Variants in TENM3 observed in about 807,000 individuals in gnomAD.
The protein encoded by TENM3 is teneurin transmembrane protein 3.
Under a neutral mutation model 255.1 loss-of-function variants are expected in TENM3, and 63 were observed. That is an observed-to-expected ratio of 0.25 (90% CI 0.20 to 0.30). TENM3 has a LOEUF of 0.30. Among genes scored for constraint, TENM3 ranks in the 10% least tolerant of loss-of-function variants. The pLI is 1.00. For missense variants in TENM3, 2,929 were observed against 3,461.1 expected, an observed-to-expected ratio of 0.85 and a Z score of 3.86; for synonymous variants, 1,306 against 1,322.3, an observed-to-expected ratio of 0.99 and a Z score of 0.27.
At chr4:182,540,952 G>A (rs1740826573) in intron 3 of TENM3, among the ~76,000 whole-genome samples, 1 of 152,162 alleles carries the variant, frequency 6.6e-6, no homozygotes, top group African/African-American at 2.4e-5. Flanking sequence ...CGAGCGAGTG[G>A]TACTAAGGTT....
chr4:182,710,049 G>A (rs1758636511), intron 12 of TENM3, among the ~76,000 whole-genome samples: 1 of 152,270 alleles, frequency 6.6e-6, no homozygotes, highest in East Asian at 1.9e-4. Flanking sequence ...TGGCTGATTA[G>A]AAATAATTTT....
chr4:182,388,649 A>G (rs1366836532), intron 3 of TENM3, among the ~76,000 whole-genome samples: 3 of 152,230 alleles, frequency 2.0e-5, no homozygotes, highest in Admixed American at 6.5e-5. Flanking sequence ...ACTGTTTTCA[A>G]TGTAATTCTT....
intron 2 of TENM3, among the ~76,000 whole-genome samples, chr4:182,337,332 T>G (rs1764206923): frequency 6.6e-6 from 1 of 152,270 alleles, no homozygotes; most frequent in African/African-American, 2.4e-5. Context: ...TATAAAGAGC[T>G]TCTACAAATC....
At chr4:182,059,965 G>A in the TENM3 span, among the ~76,000 whole-genome samples, 1 of 151,638 alleles carries the variant, frequency 6.6e-6, no homozygotes, top group South Asian at 2.1e-4. Context: ...TATAGAATTG[G>A]CCTTATTAGG....
intron 2 of TENM3, among the ~76,000 whole-genome samples, chr4:182,335,264 T>C (rs13109287): frequency 0.59 from 64,764 of 109,254 alleles, 18,539 homozygotes; most frequent in Non-Finnish European, 0.65. Flanking sequence ...TTTGGGAGGC[T>C]GAGGCGGGCG....
At chr4:182,587,990 G>A (rs1746216143) in intron 3 of TENM3, among the ~76,000 whole-genome samples, 1 of 151,966 alleles carries the variant, frequency 6.6e-6, no homozygotes, top group South Asian at 2.1e-4. Context: ...CATAATACTT[G>A]AAGTAAAATT....
the TENM3 span, among the ~76,000 whole-genome samples, chr4:181,510,320 A>C: frequency 6.6e-6 from 1 of 152,194 alleles, no homozygotes; most frequent in Non-Finnish European, 1.5e-5. Flanking sequence ...TAGAAAAAAA[A>C]AATGTGAGGT....
the TENM3 span, among the ~76,000 whole-genome samples, chr4:181,453,656 A>G: frequency 6.6e-6 from 1 of 152,150 alleles, no homozygotes; most frequent in Non-Finnish European, 1.5e-5. Flanking sequence ...GATGTACTGG[A>G]CCGAAGGTGG....
chr4:181,467,084 CGTGTGTGTGTGT>C, the TENM3 span, among the ~76,000 whole-genome samples: 135 of 58,890 alleles, frequency 2.3e-3, 4 homozygotes, highest in African/African-American at 0.011. Flanking sequence ...TGTGTGTGTG[CGTGTGTGTGTGT>C]GTGTGTGTAT....
intron 3 of TENM3, among the ~76,000 whole-genome samples, chr4:182,484,828 A>C (rs1734545506): frequency 1.3e-5 from 2 of 152,158 alleles, no homozygotes; most frequent in South Asian, 4.1e-4. Flanking sequence ...TGGAATTATA[A>C]GACAAAATTA....
the TENM3 span, among the ~76,000 whole-genome samples, chr4:181,769,467 C>G: frequency 6.6e-6 from 1 of 152,192 alleles, no homozygotes; most frequent in African/African-American, 2.4e-5. Context: ...AATGGCTCCT[C>G]CTCATTGGGT....
At chr4:181,783,685 T>C in the TENM3 span, among the ~76,000 whole-genome samples, 3 of 152,226 alleles carry the variant, frequency 2.0e-5, no homozygotes, top group African/African-American at 7.2e-5. Flanking sequence ...TGTTTTGTTG[T>C]TGTTTGGTTT....
At chr4:181,578,739 C>T in the TENM3 span, among the ~76,000 whole-genome samples, 10 of 152,274 alleles carry the variant, frequency 6.6e-5, no homozygotes, top group South Asian at 1.9e-3. Context: ...CTGCATCCTC[C>T]TGTGGTCATC....
At chr4:182,160,527 A>T (rs1324052610) in intron 1 of TENM3, among the ~76,000 whole-genome samples, 2 of 152,220 alleles carry the variant, frequency 1.3e-5, no homozygotes, top group Non-Finnish European at 2.9e-5. Flanking sequence ...TTTCTGTTCC[A>T]TTCACAGAAT....
At chr4:181,788,498 ACAGT>A in the TENM3 span, among the ~76,000 whole-genome samples, 4 of 152,186 alleles carry the variant, frequency 2.6e-5, no homozygotes, top group Admixed American at 1.3e-4. Flanking sequence ...CCGAGGAAAC[ACAGT>A]CAGTCAGCAG....
chr4:181,653,951 A>T, the TENM3 span, among the ~76,000 whole-genome samples: 9 of 151,550 alleles, frequency 5.9e-5, no homozygotes, highest in Non-Finnish European at 7.4e-5. Context: ...CATCATTGGT[A>T]CTGTGGTCTC....
At chr4:182,556,300 A>C (rs1231184994) in intron 3 of TENM3, among the ~76,000 whole-genome samples, 1 of 152,224 alleles carries the variant, frequency 6.6e-6, no homozygotes, top group Non-Finnish European at 1.5e-5. Context: ...CTTAAGCACC[A>C]GCTAGCTTCC....
chr4:182,594,686 GTGTGT>G (rs1747018813), intron 3 of TENM3, among the ~76,000 whole-genome samples: 4 of 4,920 alleles, frequency 8.1e-4, no homozygotes, highest in Non-Finnish European at 3.7e-3. Context: ...TTGTTTTGGT[GTGTGT>G]GTGTGTGTGT....
intron 5 of TENM3, chr4:182,631,652 G>A (rs961608631): frequency 6.6e-5 from 10 of 152,146 alleles, no homozygotes; most frequent in African/African-American, 7.2e-5. Flanking sequence ...GTATCAATGA[G>A]GAAGACCAAT....
Sources: allele counts gnomAD v4.1 joint callset (sites outside exome capture counted in the v4.1 genomes callset), GRCh38; gene constraint gnomAD v4.1.1; transcripts MANE v1.5; gene names NCBI Gene and HGNC (gene_info 2026-07-23, HGNC 2026-07-21).